Variants in DNAH5 observed in about 807,000 individuals in gnomAD.
The protein encoded by DNAH5 is axonemal beta dynein heavy chain 5.
In DNAH5, 372 loss-of-function variants were observed where a neutral mutation model predicts 518.2. The observed-to-expected ratio is 0.72, with a 90% CI of 0.66 to 0.78. DNAH5 has a LOEUF of 0.78. Among genes scored for constraint, DNAH5 ranks in the 30% least tolerant of loss-of-function variants. The pLI is 0.00. For missense variants in DNAH5, 5,523 were observed against 5,687.0 expected (o/e 0.97, Z 0.93); for synonymous variants, 2,039 against 2,025.9 (o/e 1.01, Z -0.17).
chr5:13,908,463 G>A (rs948190260), intron 12 of DNAH5, among the ~76,000 whole-genome samples: 1 of 152,052 alleles, frequency 6.6e-6, no homozygotes, highest in African/African-American at 2.4e-5. Context: ...CTTCGCAAAG[G>A]CCTGGGCTGA....
chr5:13,768,910 T>G (rs745432193), intron 58 of DNAH5, 50 bp downstream of exon 58: 9 of 1,592,572 alleles, frequency 5.7e-6, no homozygotes, highest in Non-Finnish European at 7.8e-6. Context: ...TTAGCATTAG[T>G]CTGCCTCTTA....
chr5:13,750,483 T>C (rs1750057891), intron 65 of DNAH5, among the ~76,000 whole-genome samples: 2 of 152,210 alleles, frequency 1.3e-5, no homozygotes. Flanking sequence ...GACATGGAGT[T>C]ATGTTTCATT....
chr5:13,850,597 C>T, intron 31 of DNAH5, 55 bp downstream of exon 31: 1 of 1,532,520 alleles, frequency 6.5e-7, no homozygotes, highest in East Asian at 2.3e-5. Flanking sequence ...TCTAGTCTCC[C>T]TGTATCCTTT....
chr5:13,790,577 G>T (rs1016139305), intron 50 of DNAH5, among the ~76,000 whole-genome samples: 1 of 152,134 alleles, frequency 6.6e-6, no homozygotes, highest in Non-Finnish European at 1.5e-5. Context: ...TTCCCCCATG[G>T]TGTTCTCCTG....
intron 39 of DNAH5, 28 bp from the exon 40 acceptor site, chr5:13,823,398 CA>C (rs1561355650): frequency 6.9e-7 from 1 of 1,443,700 alleles, no homozygotes; most frequent in South Asian, 1.1e-5. Flanking sequence ...GAAATCAGAC[CA>C]ATTATTCTGG....
chr5:13,798,962 C>G (rs1339583474), intron 47 of DNAH5, among the ~76,000 whole-genome samples: 1 of 151,828 alleles, frequency 6.6e-6, no homozygotes, highest in Non-Finnish European at 1.5e-5. Flanking sequence ...GATGGGATTT[C>G]ACTATGTTGG....
chr5:13,920,379 A>C, intron 6 of DNAH5, 101 bp downstream of exon 6: 1 of 1,518,218 alleles, frequency 6.6e-7, no homozygotes, highest in Non-Finnish European at 9.1e-7. Context: ...ATTTACAGTA[A>C]AACGCTTAAC....
intron 73 of DNAH5, 26 bp from the exon 74 acceptor site, chr5:13,716,716 G>A (rs1579882548): frequency 2.0e-6 from 3 of 1,504,726 alleles, no homozygotes; most frequent in Middle Eastern, 3.4e-4. Flanking sequence ...GAATAATTAT[G>A]TAGAACTGAC....
intron 43 of DNAH5, among the ~76,000 whole-genome samples, chr5:13,812,271 A>G (rs1321313492): frequency 3.3e-5 from 5 of 152,236 alleles, no homozygotes; most frequent in African/African-American, 1.2e-4. Context: ...GGAAAAGTAA[A>G]GAATAAAAGA....
chr5:13,808,656 T>A (rs1299213163), intron 46 of DNAH5, among the ~76,000 whole-genome samples: 1 of 152,216 alleles, frequency 6.6e-6, no homozygotes, highest in Non-Finnish European at 1.5e-5. Context: ...CATTTTATAA[T>A]AAATGCAGGA....
At chr5:13,890,585 AC>A (rs772748517) in intron 17 of DNAH5, among the ~76,000 whole-genome samples, 2 of 151,782 alleles carry the variant, frequency 1.3e-5, no homozygotes, top group African/African-American at 2.4e-5. Flanking sequence ...AGTTTGGGAA[AC>A]CCCCCCTCAA....
intron 12 of DNAH5, 41 bp downstream of exon 12, chr5:13,911,345 A>T: frequency 6.6e-7 from 1 of 1,507,442 alleles, no homozygotes; most frequent in East Asian, 2.3e-5. Flanking sequence ...AGGAAAAAAT[A>T]AACACACGAC....
intron 30 of DNAH5, among the ~76,000 whole-genome samples, chr5:13,859,094 A>AG (rs58247954): frequency 0.43 from 65,824 of 151,872 alleles, 14,462 homozygotes; most frequent in South Asian, 0.49. Flanking sequence ...CTGTAGTAGA[A>AG]AAACTTAGCC....
rs145533843 is a variant in DNAH5, at chr5:13,866,254, G to C, written c.4082C>G (p.Pro1361Arg). Residue 1361 changes from proline to arginine, a missense_variant, in exon 26 of 79, where the codon CCC becomes CGC. Transcript: ENST00000265104. ...GATAAGCCTGTCACTGGCTTCCTGG[G>C]GCTTCAAGCCGCTAGCCATTGGACC... ...LNGPMASGLK[P>R]QEASDRLIMF... 63 of 1,613,216 alleles carry C rather than the reference G, an allele frequency of 3.9e-5. No individual in the cohort carries two copies. In the African/African-American group the frequency reaches 7.9e-4, roughly 20 times the overall value.
At chr5:13,967,484 G>A (rs1217635737) in intron 1 of DNAH5, among the ~76,000 whole-genome samples, 1 of 152,196 alleles carries the variant, frequency 6.6e-6, no homozygotes, top group Admixed American at 6.5e-5. Context: ...TCAGCTGGCT[G>A]TAAGTATTTG....
intron 1 of DNAH5, among the ~76,000 whole-genome samples, chr5:13,966,618 T>C (rs1267695816): frequency 1.3e-5 from 2 of 152,234 alleles, no homozygotes; most frequent in Admixed American, 6.5e-5. Flanking sequence ...ATTAGTGATG[T>C]TGGGCATTTT....
At chr5:13,984,496 T>C (rs1041597734) in intron 1 of DNAH5, among the ~76,000 whole-genome samples, 1 of 152,220 alleles carries the variant, frequency 6.6e-6, no homozygotes, top group Non-Finnish European at 1.5e-5. Context: ...TGACTTCCTC[T>C]TTTCTTAATT....
rs113742238 is a variant in DNAH5 at position 13,776,582 on chromosome 5, C to A, written c.9230G>T (p.Arg3077Leu). 1.3e-4 allele frequency: 203 copies of A among 1,613,870 alleles called. No homozygotes were observed. In the Middle Eastern group the frequency reaches 1.5e-3, roughly 12 times the overall value. Reference protein sequence around the residue: ...NENLHDYFMSRVRQNLHIVLC... With the variant: ...NENLHDYFMSLVRQNLHIVLC... ...CACAATATGAAGGTTCTGTCGGACC[C>A]GACTCATGAAGTAGTCGTGCAGGTT... The change falls in exon 55 of 79, where the codon CGG becomes CTG. Residue 3077 changes from arginine (R) to leucine (L), a missense_variant. Around this residue, in one of 3 missense-constraint regions of DNAH5, gnomAD observed 5,121 missense variants for 5,223.3 expected, o/e 0.98. Transcript: ENST00000265104.
At chr5:13,837,692 CTTTTTTTTT>C (rs534618242) in intron 35 of DNAH5, among the ~76,000 whole-genome samples, 4,032 of 94,962 alleles carry the variant, frequency 0.042, 54 homozygotes, top group Non-Finnish European at 0.061. Context: ...GGGAACTCCA[CTTTTTTTTT>C]TTTTTTTTTT....
Sources: allele counts gnomAD v4.1 joint callset (sites outside exome capture counted in the v4.1 genomes callset), GRCh38; gene constraint gnomAD v4.1.1; regional missense constraint gnomAD v4.1.1; transcripts MANE v1.5; gene names NCBI Gene and HGNC (gene_info 2026-07-23, HGNC 2026-07-21).